SNTB2: variants seen among roughly 807,000 people sequenced by gnomAD.
SNTB2 encodes syntrophin beta 2, also known as beta-2-syntrophin.
Under a neutral mutation model 46.2 loss-of-function variants are expected in SNTB2, and 34 were observed. The observed-to-expected ratio is 0.74, with a 90% CI of 0.56 to 0.98. The LOEUF (loss-of-function observed/expected upper bound fraction) is 0.98. Among genes scored for constraint, SNTB2 ranks in the 50% least tolerant of loss-of-function variants. The pLI is 0.00. For missense variants in SNTB2, 603 were observed against 731.4 expected (o/e 0.82, Z 2.02); for synonymous variants, 290 against 312.6 (o/e 0.93, Z 0.76).
At position 69,257,693 on chromosome 16, in the gene SNTB2, C is replaced by T. The variant is rs139468077; in HGVS notation, c.795-2357C>T. Among the ~76,000 whole-genome samples, 27 of 152,286 alleles carry T rather than the reference C, an allele frequency of 1.8e-4. No individual in the cohort carries two copies. The East Asian group carries it at 5.0e-3, about 28-fold the overall frequency. On this transcript the variant is annotated intron_variant, in intron 2 of 6. Coordinates refer to ENST00000336278, the MANE Select transcript of SNTB2 (RefSeq NM_006750.4). ...ATCTGCTGACCTTGTTATCCACCTG[C>T]CTCGGCCTCCCAAAGTGCTGGGATT...
chr16:69,222,805 A>T (rs890906898), intron 1 of SNTB2, among the ~76,000 whole-genome samples: 2 of 151,488 alleles, frequency 1.3e-5, no homozygotes, highest in African/African-American at 2.4e-5. Context: ...CTGAGATGGG[A>T]GTTTTTGCTC....
chr16:69,201,350 A>ACT (rs1251795987), intron 1 of SNTB2, among the ~76,000 whole-genome samples: 2 of 152,060 alleles, frequency 1.3e-5, no homozygotes, highest in African/African-American at 4.8e-5. Flanking sequence ...AACTTGTAAA[A>ACT]CTCTCTTAAA....
At chr16:69,299,518 A>G in intron 5 of SNTB2, 72 bp from the exon 6 acceptor site, 1 of 1,442,186 alleles carries the variant, frequency 6.9e-7, no homozygotes, top group Non-Finnish European at 9.6e-7. Context: ...TTTTGAAGTC[A>G]GAAGATTCCC....
chr16:69,300,454 G>T (rs1965268457), intron 6 of SNTB2, among the ~76,000 whole-genome samples: 1 of 152,070 alleles, frequency 6.6e-6, no homozygotes, highest in Non-Finnish European at 1.5e-5. Flanking sequence ...GTTTCACCGT[G>T]TTAGCCAGGA....
chr16:69,193,581 G>A (rs550197998), intron 1 of SNTB2, among the ~76,000 whole-genome samples: 1 of 151,986 alleles, frequency 6.6e-6, no homozygotes, highest in Admixed American at 6.6e-5. Flanking sequence ...CGCCTGCCTC[G>A]GCCTCCCAAA....
At chr16:69,196,677 C>T (rs1419781921) in intron 1 of SNTB2, among the ~76,000 whole-genome samples, 1 of 152,254 alleles carries the variant, frequency 6.6e-6, no homozygotes, top group Non-Finnish European at 1.5e-5. Flanking sequence ...CTGGCCACAA[C>T]TTATTCTTTT....
intron 4 of SNTB2, 92 bp downstream of exon 4, chr16:69,270,377 T>A: frequency 6.7e-7 from 1 of 1,481,732 alleles, no homozygotes; most frequent in African/African-American, 1.4e-5. Flanking sequence ...CTTAGGTGCC[T>A]AAAAGAGCAT....
At chr16:69,285,094 C>G (rs1965089711) in intron 5 of SNTB2, among the ~76,000 whole-genome samples, 1 of 152,202 alleles carries the variant, frequency 6.6e-6, no homozygotes, top group South Asian at 2.1e-4. Flanking sequence ...ATCACGAAAT[C>G]ATCTTATGAT....
chr16:69,292,367 TATATATATATATTATATATATATTATA>T (rs1455565859), intron 5 of SNTB2, among the ~76,000 whole-genome samples: 3 of 20,324 alleles, frequency 1.5e-4, no homozygotes, highest in Admixed American at 5.6e-4. Context: ...TATATATATA[TATATATATATATTATATATATATTATA>T]TATATATATA....
At chr16:69,253,415 C>G (rs933882312) in intron 2 of SNTB2, among the ~76,000 whole-genome samples, 1 of 151,032 alleles carries the variant, frequency 6.6e-6, no homozygotes, top group East Asian at 2.0e-4. Context: ...TTTGGGAGAC[C>G]GAGGCGGGTG....
intron 2 of SNTB2, among the ~76,000 whole-genome samples, chr16:69,254,122 C>T (rs1011101019): frequency 6.6e-6 from 1 of 152,012 alleles, no homozygotes; most frequent in Non-Finnish European, 1.5e-5. Context: ...GCCTGATATA[C>T]GATCTGAAAT....
intron 4 of SNTB2, among the ~76,000 whole-genome samples, chr16:69,271,034 G>A (rs1448031730): frequency 6.6e-6 from 1 of 152,238 alleles, no homozygotes; most frequent in Non-Finnish European, 1.5e-5. Flanking sequence ...GAATATCCCA[G>A]TGGGAATAGT....
chr16:69,215,011 T>G (rs548632204), intron 1 of SNTB2, among the ~76,000 whole-genome samples: 8 of 152,082 alleles, frequency 5.3e-5, no homozygotes, highest in Admixed American at 1.3e-4. Context: ...GCCTGACTAA[T>G]TCTGTATTTT....
Position 69,226,020 on chromosome 16 carries a change from G to A in SNTB2, c.581-19582G>A, listed in dbSNP as rs543685953. Reference sequence around the variant, plus strand: ...TGATCTCAAGTGATCTGCCCGCCTCGGCCTCCCAAAGTGCTAGGATTAAAG... The same window carrying A: ...TGATCTCAAGTGATCTGCCCGCCTCAGCCTCCCAAAGTGCTAGGATTAAAG... On this transcript the variant is annotated intron_variant, in intron 1 of 6. Coordinates refer to ENST00000336278, the MANE Select transcript of SNTB2 (RefSeq NM_006750.4). 1.9e-3 allele frequency among the ~76,000 whole-genome samples: 289 copies of A among 151,886 alleles called. 1 individual carries two copies. In the South Asian group the frequency reaches 0.025, roughly 13 times the overall value.
intron 2 of SNTB2, 75 bp downstream of exon 2, chr16:69,245,890 C>G: frequency 9.1e-6 from 13 of 1,427,680 alleles, no homozygotes; most frequent in Non-Finnish European, 1.3e-5. Context: ...TTATATGACT[C>G]TGTTAACTCA....
In SNTB2 at chr16:69,196,653, G is replaced by A. The variant is rs549559185; in HGVS notation, c.580+8907G>A. ...CTCCCAAAGTCCTGGGATTACAGGC[G>A]TGAGCCACCGCACCTGGCCACAACT... On this transcript the variant is annotated intron_variant, in intron 1 of 6. Coordinates refer to ENST00000336278, the MANE Select transcript of SNTB2 (RefSeq NM_006750.4). Among the ~76,000 whole-genome samples the A allele has an allele frequency of 2.0e-5, 3 of 152,204 alleles. No homozygotes were observed. In the South Asian group the frequency reaches 6.2e-4, roughly 31 times the overall value.
rs1027691132 is a variant in SNTB2, at chr16:69,302,073, C to G, written c.*1149C>G. The G allele has an allele frequency of 4.6e-5, 7 of 152,280 alleles. No individual in the cohort carries two copies. Among genetic ancestry groups the G allele is most frequent in the Admixed American group, 2.6e-4 (4 of 15,278 alleles). The allele number at this position is 152,280 out of a possible 1,614,324, so 9.4% of individuals were successfully genotyped here. A position where few individuals can be genotyped will look rare whatever the true frequency, so the allele number is the denominator to read the frequency against. ...GCAGCATCCTGGCTGTGGCCTGGCC[C>G]TTTGTGGCAGCAGTGGCATGGACAA... On this transcript the variant is annotated 3_prime_UTR_variant, in exon 7 of 7. Transcript: ENST00000336278.
At chr16:69,298,034 A>T (rs1965244318) in intron 5 of SNTB2, among the ~76,000 whole-genome samples, 1 of 151,908 alleles carries the variant, frequency 6.6e-6, no homozygotes, top group Non-Finnish European at 1.5e-5. Flanking sequence ...GAACTCCTGG[A>T]CGCAAGTGAT....
chr16:69,198,150 G>A (rs535203068), intron 1 of SNTB2, among the ~76,000 whole-genome samples: 21 of 141,342 alleles, frequency 1.5e-4, no homozygotes, highest in African/African-American at 2.7e-4. Context: ...TCGCTCTGTC[G>A]CCTAGGCTGG....
Sources: allele counts gnomAD v4.1 joint callset (sites outside exome capture counted in the v4.1 genomes callset), GRCh38; gene constraint gnomAD v4.1.1; transcripts MANE v1.5; gene names NCBI Gene and HGNC (gene_info 2026-07-23, HGNC 2026-07-21).